JADE2: variants seen among roughly 807,000 people sequenced by gnomAD.
The protein encoded by JADE2 is E3 ubiquitin-protein ligase Jade-2.
In JADE2, 13 loss-of-function variants were observed where a neutral mutation model predicts 85.7. That is an observed-to-expected ratio of 0.15 (90% CI 0.10 to 0.24). JADE2 has a LOEUF of 0.24. Among genes scored for constraint, JADE2 ranks in the 10% least tolerant of loss-of-function variants. The probability of loss-of-function intolerance (pLI) is 1.00; values close to 1 mark genes in which losing one functional copy is unlikely to be tolerated. For synonymous variants in JADE2, 440 were observed against 456.1 expected (o/e 0.96, Z 0.45); for missense variants, 846 against 1,115.9 (o/e 0.76, Z 3.45).
intron 9 of JADE2, among the ~76,000 whole-genome samples, chr5:134,570,282 C>T (rs1763908371): frequency 1.3e-5 from 2 of 152,258 alleles, no homozygotes; most frequent in East Asian, 1.9e-4. Context: ...TAACTTCTGC[C>T]AGCCGAGCCT....
intron 1 of JADE2, among the ~76,000 whole-genome samples, chr5:134,529,638 C>G (rs1315187854): frequency 7.2e-5 from 11 of 152,218 alleles, no homozygotes; most frequent in Admixed American, 7.2e-4. Context: ...TATTAGTCAT[C>G]CTTATTATAC....
At chr5:134,572,301 C>T (rs1764078031) in intron 9 of JADE2, among the ~76,000 whole-genome samples, 1 of 152,204 alleles carries the variant, frequency 6.6e-6, no homozygotes, top group Admixed American at 6.5e-5. Flanking sequence ...CACACACCAG[C>T]GTGGAAGGCC....
At chr5:134,550,556 C>T (rs1178160934) in intron 3 of JADE2, among the ~76,000 whole-genome samples, 1 of 152,194 alleles carries the variant, frequency 6.6e-6, no homozygotes, top group African/African-American at 2.4e-5. Flanking sequence ...AGTGGTTTCT[C>T]TTGTCTCAGT....
rs916654585 is a variant in JADE2 at position 134,580,705 on chromosome 5, C to T, written c.*1388C>T. On this transcript the variant is annotated 3_prime_UTR_variant, in exon 12 of 12. Transcript: ENST00000681547. ...TGTGGATGCCAAAGAATATTTTGAC[C>T]ATAATACAGCACAGCCTGGACCTGA... 5 of 152,332 alleles carry T rather than the reference C, an allele frequency of 3.3e-5. No individual in the cohort carries two copies. Among genetic ancestry groups the T allele is most frequent in the Admixed American group, 3.3e-4 (5 of 15,238 alleles). The allele number at this position is 152,332 out of a possible 1,614,324, so 9.4% of individuals were successfully genotyped here. A position where few individuals can be genotyped will look rare whatever the true frequency, so the allele number is the denominator to read the frequency against.
At chr5:134,568,294 C>T (rs1322196031) in intron 9 of JADE2, among the ~76,000 whole-genome samples, 2 of 152,158 alleles carry the variant, frequency 1.3e-5, no homozygotes, top group African/African-American at 2.4e-5. Flanking sequence ...AACTCCATTC[C>T]AAGGGTTTTG....
intron 3 of JADE2, among the ~76,000 whole-genome samples, chr5:134,542,372 A>G (rs1762012205): frequency 1.3e-5 from 2 of 151,996 alleles, no homozygotes; most frequent in Admixed American, 1.3e-4. Flanking sequence ...TATTGTTTTA[A>G]TACCACCCCA....
chr5:134,582,625 C>G lies in JADE2; in HGVS notation c.*3308C>G, dbSNP rs1050135729. On this transcript the variant is annotated 3_prime_UTR_variant, in exon 12 of 12. Transcript: ENST00000681547. ...GAGGGCACTCTCCCATGCCCTTGGC[C>G]TCGCTGGCCACATTGGCCAATGAGC... is the stretch of plus-strand genomic sequence containing the variant. The G allele has an allele frequency of 1.3e-5, 2 of 152,648 alleles. No individual in the cohort carries two copies. Among genetic ancestry groups the G allele is most frequent in the Non-Finnish European group, 2.9e-5 (2 of 68,050 alleles). 9.5% of individuals were successfully genotyped at this position (152,648 alleles called of 1,614,324 possible).
chr5:134,574,173 G>A, intron 10 of JADE2: 1 of 293,844 alleles, frequency 3.4e-6, no homozygotes, highest in Non-Finnish European at 6.6e-6. Flanking sequence ...TCCGAAGAAG[G>A]CAGCTGTCCC....
intron 9 of JADE2, among the ~76,000 whole-genome samples, chr5:134,568,020 T>C (rs542411286): frequency 5.3e-5 from 8 of 152,324 alleles, no homozygotes; most frequent in African/African-American, 1.9e-4. Context: ...TAGGCCACCA[T>C]GTCTCCACCC....
At chr5:134,532,468 G>C (rs937347476) in intron 1 of JADE2, among the ~76,000 whole-genome samples, 2 of 152,292 alleles carry the variant, frequency 1.3e-5, no homozygotes, top group East Asian at 3.9e-4. Flanking sequence ...TCCATGCTGG[G>C]GGTTGCATGA....
chr5:134,552,630 G>A (rs1762658652), intron 4 of JADE2, among the ~76,000 whole-genome samples: 1 of 152,232 alleles, frequency 6.6e-6, no homozygotes, highest in South Asian at 2.1e-4. Context: ...CAAGCACTCT[G>A]TAATGTTGAT....
intron 1 of JADE2, among the ~76,000 whole-genome samples, chr5:134,528,263 G>T (rs531284425): frequency 1.3e-5 from 2 of 152,268 alleles, no homozygotes; most frequent in African/African-American, 4.8e-5. Context: ...TGGCAAAAGG[G>T]CTCGGCATGG....
intron 1 of JADE2, among the ~76,000 whole-genome samples, chr5:134,530,159 C>T (rs767570241): frequency 6.6e-5 from 10 of 151,868 alleles, no homozygotes; most frequent in South Asian, 2.1e-4. Flanking sequence ...GCTGTGACCC[C>T]GGTTTAAAGC....
At chr5:134,560,384 C>T (rs904694224) in intron 5 of JADE2, among the ~76,000 whole-genome samples, 1 of 152,098 alleles carries the variant, frequency 6.6e-6, no homozygotes, top group African/African-American at 2.4e-5. Flanking sequence ...AGGGTTAACT[C>T]GACCCTATTC....
At chr5:134,525,231 A>C (rs1333988600), upstream of JADE2, among the ~76,000 whole-genome samples, 1 of 146,228 alleles carries the variant, frequency 6.8e-6, no homozygotes, top group African/African-American at 2.6e-5. Context: ...GCGGGGTGTG[A>C]GCAGAAAGTG....
chr5:134,577,308 C>A (rs1764437892), intron 11 of JADE2, among the ~76,000 whole-genome samples: 1 of 152,230 alleles, frequency 6.6e-6, no homozygotes, highest in African/African-American at 2.4e-5. Flanking sequence ...GCAACAGCAG[C>A]AGACTCTCCT....
chr5:134,578,392 G>C lies in JADE2; in HGVS notation c.1682-102G>C. On this transcript the variant is annotated intron_variant, in intron 11 of 11. Coordinates refer to ENST00000681547, the MANE Select transcript of JADE2 (RefSeq NM_001388185.1). This position sits in a 1 kb window ranked among gnomAD's most constrained non-coding sequence, Gnocchi z 4.4. ...CCTGGGTCTGGCACAGGGGGACAGAGAGAAGACGATGCCTGGTGGTGTGCT... is the reference window on the plus strand; with the variant it reads ...CCTGGGTCTGGCACAGGGGGACAGACAGAAGACGATGCCTGGTGGTGTGCT... 1.1e-6 allele frequency: 1 copy of C among 878,212 alleles called. No individual in the cohort carries two copies. Among genetic ancestry groups the C allele is most frequent in the South Asian group, 1.6e-5 (1 of 61,330 alleles). 54.4% of individuals were successfully genotyped at this position (878,212 alleles called of 1,614,324 possible).
At chr5:134,533,439 C>A in intron 1 of JADE2, 1 of 664,788 alleles carries the variant, frequency 1.5e-6, no homozygotes, top group Non-Finnish European at 1.9e-6. Flanking sequence ...ATGTCTTTCC[C>A]AAGGTCCCTG....
chr5:134,569,822 C>G (rs545648219), intron 9 of JADE2, among the ~76,000 whole-genome samples: 1 of 152,164 alleles, frequency 6.6e-6, no homozygotes, highest in Non-Finnish European at 1.5e-5. Context: ...CTGGGCAGCT[C>G]CAGCCTGCAG....
Sources: allele counts gnomAD v4.1 joint callset (sites outside exome capture counted in the v4.1 genomes callset), GRCh38; gene constraint gnomAD v4.1.1; non-coding constraint Gnocchi (gnomAD v3.1); transcripts MANE v1.5; gene names NCBI Gene and HGNC (gene_info 2026-07-23, HGNC 2026-07-21).